The following ZNF610 variants were observed in gnomAD, a reference collection of about 807,000 sequenced individuals.
The protein encoded by ZNF610 is zinc finger protein 610, also known as zink finger protein.
ZNF610 carries 14 observed loss-of-function variants against 14.1 expected under a neutral mutation model. The observed-to-expected ratio is 0.99, with a 90% CI of 0.65 to 1.55. ZNF610 has a LOEUF of 1.55. ZNF610 is among the 40% of genes most tolerant of loss of function. The pLI, the probability that ZNF610 is intolerant of heterozygous loss-of-function variation, is 0.00. For synonymous variants in ZNF610, 185 were observed against 187.6 expected, an observed-to-expected ratio of 0.99 and a Z score of 0.11; for missense variants, 530 against 558.0, an observed-to-expected ratio of 0.95 and a Z score of 0.51.
At chr19:52,352,522 G>A (rs1985305902) in intron 3 of ZNF610, among the ~76,000 whole-genome samples, 1 of 152,218 alleles carries the variant, frequency 6.6e-6, no homozygotes, top group Non-Finnish European at 1.5e-5. Flanking sequence ...ACATGTGTGA[G>A]TCACCGCACC....
intron 1 of ZNF610, among the ~76,000 whole-genome samples, chr19:52,341,381 C>T (rs6509633): frequency 0.65 from 98,354 of 151,860 alleles, 32,193 homozygotes; most frequent in Non-Finnish European, 0.7. Context: ...ACGATCTCGG[C>T]TCACTGCAAC....
In ZNF610 at chr19:52,366,674, A is replaced by G. The variant is rs770954567; in HGVS notation, c.1296A>G (p.Ala432=). The change falls in exon 6 of 6, where the codon GCA becomes GCG. Residue 432 remains alanine, a synonymous_variant. Coordinates refer to ENST00000403906, the MANE Select transcript of ZNF610 (RefSeq NM_001161425.2). ...HTGERPYKCN[A]CGKVFNQNPH... ...GAGAGAGACCTTACAAGTGTAATGC[A>G]TGTGGCAAGGTCTTCAATCAAAATC... is the stretch of plus-strand genomic sequence containing the variant. 6.2e-7 allele frequency: 1 copy of G among 1,614,266 alleles called. No individual in the cohort carries two copies. Among genetic ancestry groups the G allele is most frequent in the Non-Finnish European group, 8.5e-7 (1 of 1,180,040 alleles).
rs1357894220 is a variant in ZNF610, at chr19:52,341,458, C to T, written c.-258+4952C>T. Among the ~76,000 whole-genome samples, 3 of 151,860 alleles carry T rather than the reference C, an allele frequency of 2.0e-5. No homozygotes were observed. The East Asian group carries it at 5.9e-4, about 30-fold the overall frequency. On this transcript the variant is annotated intron_variant, in intron 1 of 5. Coordinates refer to ENST00000403906, the MANE Select transcript of ZNF610 (RefSeq NM_001161425.2). ...CTGAGTAGCTGGGATTACAAGCACACGCCACCATGCGTGGCTAATTTTTGT... is the reference window on the plus strand; with the variant it reads ...CTGAGTAGCTGGGATTACAAGCACATGCCACCATGCGTGGCTAATTTTTGT...
chr19:52,332,733 C>T (rs541800846), upstream of ZNF610, among the ~76,000 whole-genome samples: 3 of 152,238 alleles, frequency 2.0e-5, no homozygotes, highest in South Asian at 4.1e-4. The surrounding 1 kb of genome is among the most constrained non-coding windows in gnomAD (Gnocchi z 4.1). Flanking sequence ...CCATATAATC[C>T]ACAGCAGTTT....
At chr19:52,349,023 A>C in intron 2 of ZNF610, 131 bp from the exon 3 acceptor site, 1 of 639,088 alleles carries the variant, frequency 1.6e-6, no homozygotes, top group Non-Finnish European at 2.7e-6. Flanking sequence ...TTGTCCCTGC[A>C]TCAACTCTGG....
chr19:52,337,899 G>A (rs148295118), intron 1 of ZNF610, among the ~76,000 whole-genome samples: 2 of 152,246 alleles, frequency 1.3e-5, no homozygotes, highest in African/African-American at 4.8e-5. Context: ...GCCTCATTCG[G>A]GTGTGGGTGA....
chr19:52,367,440 T>C lies in ZNF610; in HGVS notation c.*673T>C, dbSNP rs1305235159. On this transcript the variant is annotated 3_prime_UTR_variant, in exon 6 of 6. Coordinates refer to ENST00000403906, the MANE Select transcript of ZNF610 (RefSeq NM_001161425.2). ...GCGCCCGGCCTAGTTTAAATTTTTCTTAGTGTGAATGAATTACATCCTTTC... is the reference window on the plus strand; with the variant it reads ...GCGCCCGGCCTAGTTTAAATTTTTCCTAGTGTGAATGAATTACATCCTTTC... The C allele has an allele frequency of 1.3e-5, 2 of 152,218 alleles. No individual in the cohort carries two copies. The highest frequency in any genetic ancestry group is 2.9e-5 in the Non-Finnish European group (2 of 68,048). The allele number at this position is 152,218 out of a possible 1,614,324, so 9.4% of individuals were successfully genotyped here. A position where few individuals can be genotyped will look rare whatever the true frequency, so the allele number is the denominator to read the frequency against.
At chr19:52,356,302 C>A (rs73579094) in intron 5 of ZNF610, among the ~76,000 whole-genome samples, 4 of 152,128 alleles carry the variant, frequency 2.6e-5, no homozygotes, top group African/African-American at 9.7e-5. Context: ...AACAGAAAGA[C>A]CCTGTATTCG....
chr19:52,365,772 C>T lies in ZNF610; in HGVS notation c.394C>T (p.His132Tyr). Residue 132 changes from histidine (H) to tyrosine (Y), a missense_variant, in exon 6 of 6, where the codon CAT (histidine) becomes TAT (tyrosine). His to Tyr is a moderately conservative substitution (Grantham distance 83). Transcript: ENST00000403906. The stretch of plus-strand genomic sequence containing the variant: ...TCAACTTGGATTAACCCTTGAGGCA[C>T]ATCTGTCTGAATTGCAGCTGTTTCA... ...KNQLGLTLEAHLSELQLFQAG... is the reference protein window; with the variant it reads ...KNQLGLTLEAYLSELQLFQAG... 6.2e-7 allele frequency: 1 copy of T among 1,614,162 alleles called. No individual in the cohort carries two copies. Among genetic ancestry groups the T allele is most frequent in the Non-Finnish European group, 8.5e-7 (1 of 1,180,036 alleles).
chr19:52,360,654 G>A (rs903189361), intron 5 of ZNF610, among the ~76,000 whole-genome samples: 2 of 152,028 alleles, frequency 1.3e-5, no homozygotes, highest in Non-Finnish European at 2.9e-5. Context: ...TTCTGCATCT[G>A]ATGAGCCTAT....
At chr19:52,348,732 C>T (rs321954) in intron 2 of ZNF610, among the ~76,000 whole-genome samples, 47,929 of 152,034 alleles carry the variant, frequency 0.32, 8,195 homozygotes, top group South Asian at 0.38. Context: ...AACATATCCT[C>T]ATGGATACGG....
chr19:52,361,174 A>AT (rs1344340607), intron 5 of ZNF610, among the ~76,000 whole-genome samples: 2 of 135,498 alleles, frequency 1.5e-5, no homozygotes, highest in African/African-American at 5.5e-5. Context: ...GTACAATCTC[A>AT]TTTTCTTTTT....
intron 1 of ZNF610, among the ~76,000 whole-genome samples, chr19:52,341,643 A>G (rs911101046): frequency 1.3e-5 from 2 of 150,532 alleles, no homozygotes; most frequent in East Asian, 2.0e-4. Context: ...TTATTTTTTT[A>G]AGGGACGGGG....
chr19:52,331,521 A>G (rs1292577715), upstream of ZNF610, among the ~76,000 whole-genome samples: 1 of 152,206 alleles, frequency 6.6e-6, no homozygotes, highest in Non-Finnish European at 1.5e-5. Context: ...GACGTGACCA[A>G]CTCAGCATTC....
Position 52,366,423 on chromosome 19 carries a change from T to C in ZNF610, c.1045T>C (p.Cys349Arg). ...GGAAAAACCTTACAAATGTAATGAA[T>C]GTGGCAAGGTCTTTAGTCTGCTTTC... ...TAEKPYKCNE[C>R]GKVFSLLSYL... The change falls in exon 6 of 6, where the codon TGT becomes CGT. Residue 349 changes from cysteine to arginine, a missense_variant. Transcript: ENST00000403906. 2 of 1,614,206 alleles carry C rather than the reference T, an allele frequency of 1.2e-6. No homozygotes were observed. Among genetic ancestry groups the C allele is most frequent in the Non-Finnish European group, 1.7e-6 (2 of 1,180,034 alleles).
At position 52,357,617 on chromosome 19, in the gene ZNF610, C is replaced by G. The variant is rs574900021; in HGVS notation, c.319+3238C>G. ...CGGAGATGGTGCCACTGCACTCCAG[C>G]CTGGGAGATAGAGCGAGCCTCCATC... On this transcript the variant is annotated intron_variant, in intron 5 of 5. Transcript: ENST00000403906. 5.4e-4 allele frequency among the ~76,000 whole-genome samples: 69 copies of G among 127,020 alleles called. No homozygotes were observed. In the South Asian group the frequency reaches 0.017, roughly 31 times the overall value. 83.3% of individuals were successfully genotyped at this position (127,020 alleles called of 152,430 possible).
chr19:52,347,113 A>G (rs1018956282), intron 1 of ZNF610: 7 of 152,208 alleles, frequency 4.6e-5, no homozygotes, highest in African/African-American at 1.4e-4. Flanking sequence ...AAGTTCTTCA[A>G]GAGGTATCCA....
intron 1 of ZNF610, among the ~76,000 whole-genome samples, chr19:52,339,843 G>A (rs1409438754): frequency 1.3e-5 from 2 of 152,148 alleles, no homozygotes; most frequent in Admixed American, 6.6e-5. Flanking sequence ...ATTTTTAATA[G>A]AGATGGGGTT....
Position 52,354,428 on chromosome 19 carries a change from T to G in ZNF610, c.319+49T>G, listed in dbSNP as rs763753516. On this transcript the variant is annotated intron_variant, in intron 5 of 5. Transcript: ENST00000403906. The stretch of plus-strand genomic sequence containing the variant: ...GGAGGCCATAGTTTTTATTTTTTTA[T>G]TTTTGAGCCAGGGTGTTCCGCTATC... 4 of 1,587,368 alleles carry G rather than the reference T, an allele frequency of 2.5e-6. 1 individual carries two copies. The East Asian group carries it at 9.0e-5, about 36-fold the overall frequency.
Sources: gnomAD v4.1 joint callset for allele counts (sites outside exome capture counted in the v4.1 genomes callset) on GRCh38, gnomAD v4.1.1 for gene constraint, Gnocchi (gnomAD v3.1) non-coding constraint, MANE v1.5 for transcripts, NCBI Gene and HGNC (gene_info 2026-07-23, HGNC 2026-07-21) for gene names.